The following EVI5 variants were observed in gnomAD, a reference collection of about 807,000 sequenced individuals.
EVI5 encodes the protein ecotropic viral integration site 5 protein homolog.
EVI5 carries 73 observed loss-of-function variants against 112.0 expected under a neutral mutation model. That is an observed-to-expected ratio of 0.65 (90% CI 0.54 to 0.79). EVI5 has a LOEUF of 0.79. EVI5 is among the 30% of genes least tolerant of loss of function. The probability of loss-of-function intolerance (pLI) is 0.00; values close to 1 mark genes in which losing one functional copy is unlikely to be tolerated. For synonymous variants in EVI5, 305 were observed against 319.9 expected (o/e 0.95, Z 0.50); for missense variants, 900 against 968.8 (o/e 0.93, Z 0.94).
At chr1:92,770,269 T>C (rs1008410142) in intron 1 of EVI5, among the ~76,000 whole-genome samples, 2 of 152,218 alleles carry the variant, frequency 1.3e-5, no homozygotes, top group Non-Finnish European at 2.9e-5. Flanking sequence ...TAACACAGTA[T>C]AGACACCATA....
intron 18 of EVI5, among the ~76,000 whole-genome samples, chr1:92,563,987 A>G (rs1350040885): frequency 3.3e-5 from 5 of 152,254 alleles, no homozygotes; most frequent in South Asian, 2.1e-4. Flanking sequence ...CAACGGTGCC[A>G]TCTCGGCTCA....
intron 18 of EVI5, among the ~76,000 whole-genome samples, chr1:92,599,913 A>T (rs77644010): frequency 0.021 from 3,162 of 152,212 alleles, 125 homozygotes; most frequent in African/African-American, 0.071. Context: ...TTTCGATATG[A>T]TTGGTATTTA....
intron 19 of EVI5, among the ~76,000 whole-genome samples, chr1:92,530,612 T>G (rs1662712572): frequency 1.3e-5 from 2 of 151,952 alleles, no homozygotes; most frequent in African/African-American, 4.8e-5. Flanking sequence ...ATCTTTGCTG[T>G]TCTGCAGCAT....
At chr1:92,582,404 G>A (rs915569387) in intron 18 of EVI5, among the ~76,000 whole-genome samples, 14 of 152,166 alleles carry the variant, frequency 9.2e-5, no homozygotes, top group African/African-American at 2.9e-4. Flanking sequence ...AATGTGAGGG[G>A]CCTACTTTAC....
chr1:92,747,878 T>C (rs1047098272), intron 1 of EVI5, among the ~76,000 whole-genome samples: 17 of 152,114 alleles, frequency 1.1e-4, no homozygotes, highest in Admixed American at 2.0e-4. Flanking sequence ...TTGCCAGTAA[T>C]GACCAGCATT....
intron 19 of EVI5, among the ~76,000 whole-genome samples, chr1:92,553,759 C>T (rs1571498933): frequency 6.6e-6 from 1 of 152,128 alleles, no homozygotes; most frequent in Non-Finnish European, 1.5e-5. Flanking sequence ...TACAGTTTTT[C>T]CCAGACTACA....
intron 10 of EVI5, among the ~76,000 whole-genome samples, chr1:92,670,691 A>G (rs1358561232): frequency 6.6e-6 from 1 of 152,120 alleles, no homozygotes; most frequent in Non-Finnish European, 1.5e-5. Flanking sequence ...CTAGGTCACT[A>G]TTTCATACCT....
Position 92,703,388 on chromosome 1 carries a change from A to AACTT in EVI5, c.564+3_564+6dup. The AACTT allele has an allele frequency of 6.8e-7, 1 of 1,471,844 alleles. No homozygotes were observed. Among genetic ancestry groups the AACTT allele is most frequent in the Non-Finnish European group, 9.2e-7 (1 of 1,086,202 alleles). 91.2% of individuals were successfully genotyped at this position (1,471,844 alleles called of 1,614,324 possible). On this transcript the variant is annotated splice_region_variant and intron_variant, in intron 4 of 19. Transcript: ENST00000684568. ...TTCATTTCAAAAAATGAATAAATAA[A>AACTT]ACTTACCTTCATTACATTAAATAAA... is the stretch of plus-strand genomic sequence containing the variant.
intron 1 of EVI5, among the ~76,000 whole-genome samples, chr1:92,780,749 TA>T (rs1252871249): frequency 1.3e-5 from 2 of 151,818 alleles, no homozygotes; most frequent in Admixed American, 1.3e-4. Context: ...GGGTCATGCC[TA>T]AATCCCAGCA....
intron 2 of EVI5, among the ~76,000 whole-genome samples, chr1:92,735,849 T>C (rs1477180737): frequency 6.9e-6 from 1 of 144,378 alleles, no homozygotes; most frequent in Admixed American, 7.1e-5. Flanking sequence ...TAATATATAT[T>C]ATATATATAT....
chr1:92,685,196 A>G (rs1042707623), intron 9 of EVI5, among the ~76,000 whole-genome samples: 20 of 152,186 alleles, frequency 1.3e-4, no homozygotes, highest in Non-Finnish European at 1.9e-4. Flanking sequence ...AGAAATCACA[A>G]CAAACGGTCT....
chr1:92,766,943 G>A (rs532979826), intron 1 of EVI5, among the ~76,000 whole-genome samples: 5 of 151,960 alleles, frequency 3.3e-5, no homozygotes, highest in Non-Finnish European at 5.9e-5. Flanking sequence ...TTAGCTGGGC[G>A]TGGTGGCACA....
intron 16 of EVI5, among the ~76,000 whole-genome samples, chr1:92,618,298 A>G (rs1653679217): frequency 6.6e-6 from 1 of 151,588 alleles, no homozygotes; most frequent in South Asian, 2.1e-4. Flanking sequence ...GCTGGCCTAG[A>G]GGTCTTAGTT....
intron 1 of EVI5, among the ~76,000 whole-genome samples, chr1:92,743,901 T>A (rs1678832488): frequency 6.6e-6 from 1 of 152,198 alleles, no homozygotes; most frequent in Non-Finnish European, 1.5e-5. Flanking sequence ...TGCTTTAGGT[T>A]TATATTGCTC....
intron 14 of EVI5, among the ~76,000 whole-genome samples, chr1:92,627,686 C>G (rs1053695187): frequency 2.6e-5 from 4 of 152,110 alleles, no homozygotes; most frequent in Non-Finnish European, 5.9e-5. Context: ...ACGCCAACAT[C>G]TACTGTTTTT....
intron 19 of EVI5, among the ~76,000 whole-genome samples, chr1:92,540,237 A>G (rs74379622): frequency 0.013 from 1,941 of 152,284 alleles, 47 homozygotes; most frequent in African/African-American, 0.043. Flanking sequence ...TAGCAACTCT[A>G]TGTTTACCAT....
intron 18 of EVI5, among the ~76,000 whole-genome samples, chr1:92,580,142 T>C (rs947539870): frequency 1.3e-4 from 20 of 152,236 alleles, no homozygotes; most frequent in Non-Finnish European, 2.1e-4. Flanking sequence ...TGAACAAGAA[T>C]GGCATTTAAA....
At chr1:92,592,862 T>C (rs1674222003) in intron 18 of EVI5, among the ~76,000 whole-genome samples, 1 of 152,124 alleles carries the variant, frequency 6.6e-6, no homozygotes, top group South Asian at 2.1e-4. Flanking sequence ...CTCCCAAGAC[T>C]AAACCAGGAC....
At chr1:92,780,827 T>A (rs988144606) in intron 1 of EVI5, among the ~76,000 whole-genome samples, 1 of 151,726 alleles carries the variant, frequency 6.6e-6, no homozygotes, top group South Asian at 2.1e-4. Context: ...CAGTGAGACC[T>A]TGTCTCAAAG....
Sources: gnomAD v4.1 joint callset for allele counts (sites outside exome capture counted in the v4.1 genomes callset) on GRCh38, gnomAD v4.1.1 for gene constraint, MANE v1.5 for transcripts, NCBI Gene and HGNC (gene_info 2026-07-23, HGNC 2026-07-21) for gene names.